Variants in TMEM131 observed in about 807,000 individuals in gnomAD.
TMEM131 encodes 2610524E03Rik.
TMEM131 carries 66 observed loss-of-function variants against 211.6 expected under a neutral mutation model. That is an observed-to-expected ratio of 0.31 (90% confidence interval 0.26 to 0.38). The LOEUF (loss-of-function observed/expected upper bound fraction) is 0.38. Ranked by LOEUF, TMEM131 falls within the 10% of genes least tolerant of loss-of-function variation. The pLI, the probability that TMEM131 is intolerant of heterozygous loss-of-function variation, is 1.00. For synonymous variants in TMEM131, 844 were observed against 841.3 expected, an observed-to-expected ratio of 1.00 and a Z score of -0.06; for missense variants, 2,036 against 2,299.3, an observed-to-expected ratio of 0.89 and a Z score of 2.34.
chr2:97,881,224 C>T (rs1265052888), intron 4 of TMEM131, among the ~76,000 whole-genome samples: 1 of 149,438 alleles, frequency 6.7e-6, no homozygotes, highest in Non-Finnish European at 1.5e-5. Context: ...AGAAGATGGG[C>T]GTTTCTTTCT....
intron 2 of TMEM131, among the ~76,000 whole-genome samples, chr2:97,913,989 G>A (rs996731211): frequency 1.1e-4 from 17 of 152,120 alleles, no homozygotes; most frequent in Non-Finnish European, 2.4e-4. Context: ...TGGGTTGGGG[G>A]AAGGTAGAGG....
At chr2:97,832,281 T>C (rs1573431477) in intron 11 of TMEM131, among the ~76,000 whole-genome samples, 1 of 152,220 alleles carries the variant, frequency 6.6e-6, no homozygotes, top group African/African-American at 2.4e-5. Flanking sequence ...GCCAATTTCA[T>C]TTTCCTATAA....
In TMEM131 at chr2:97,911,531, C is replaced by T. The variant is rs1676291730; in HGVS notation, c.250-2833G>A. 1.9e-5 allele frequency: 11 copies of T among 570,360 alleles called. 1 individual carries two copies. Among genetic ancestry groups the T allele is most frequent in the Non-Finnish European group, 2.0e-5 (9 of 450,732 alleles). The allele number at this position is 570,360 out of a possible 1,614,324, so 35.3% of individuals were successfully genotyped here. Reference sequence around the variant, plus strand: ...AAGTCTACAGAAAAGGAACTCAGGACGTGTATCACTCATGTGCACTTTCTT... The same window carrying T: ...AAGTCTACAGAAAAGGAACTCAGGATGTGTATCACTCATGTGCACTTTCTT... On this transcript the variant is annotated intron_variant, in intron 2 of 40. Coordinates refer to ENST00000186436, the MANE Select transcript of TMEM131 (RefSeq NM_015348.2).
chr2:97,875,523 A>G (rs1674656742), intron 4 of TMEM131, among the ~76,000 whole-genome samples: 2 of 152,264 alleles, frequency 1.3e-5, no homozygotes, highest in South Asian at 4.1e-4. Context: ...ACAGTTTCTC[A>G]GATCACAGTG....
At chr2:97,899,650 C>T (rs1251976895) in intron 3 of TMEM131, among the ~76,000 whole-genome samples, 1 of 152,100 alleles carries the variant, frequency 6.6e-6, no homozygotes, top group Non-Finnish European at 1.5e-5. Context: ...GTGGCACAGA[C>T]CTTGAAGGAG....
intron 11 of TMEM131, among the ~76,000 whole-genome samples, chr2:97,821,239 G>C (rs992866218): frequency 1.3e-5 from 2 of 151,974 alleles, no homozygotes; most frequent in African/African-American, 4.8e-5. Flanking sequence ...TGTCTCTAAA[G>C]GACTGTAAAT....
intron 4 of TMEM131, among the ~76,000 whole-genome samples, chr2:97,860,193 A>G (rs1199534855): frequency 2.0e-5 from 3 of 152,110 alleles, no homozygotes; most frequent in Non-Finnish European, 4.4e-5. Context: ...CTACCTATAC[A>G]CACCCACTAG....
chr2:97,889,222 T>C (rs112915425), intron 3 of TMEM131, among the ~76,000 whole-genome samples: 1 of 152,172 alleles, frequency 6.6e-6, no homozygotes, highest in Non-Finnish European at 1.5e-5. Flanking sequence ...AGAATCCCTC[T>C]GCATATGTTG....
At chr2:97,965,705 G>A (rs1679027525) in intron 1 of TMEM131, among the ~76,000 whole-genome samples, 1 of 151,680 alleles carries the variant, frequency 6.6e-6, no homozygotes, top group African/African-American at 2.4e-5. Flanking sequence ...AATGAAATTA[G>A]GGAATGTGTA....
intron 27 of TMEM131, among the ~76,000 whole-genome samples, 156 bp downstream of exon 27, chr2:97,796,688 A>T (rs1465926565): frequency 1.3e-5 from 2 of 152,388 alleles, no homozygotes; most frequent in East Asian, 3.9e-4. Flanking sequence ...TCCAAATCAA[A>T]CAACTCTAAA....
chr2:97,994,599 GT>G (rs1342598982), intron 1 of TMEM131, among the ~76,000 whole-genome samples: 6 of 148,806 alleles, frequency 4.0e-5, no homozygotes, highest in African/African-American at 7.4e-5. Flanking sequence ...TGCGTGGTTT[GT>G]TTTTTTTTTA....
intron 5 of TMEM131, among the ~76,000 whole-genome samples, chr2:97,853,238 G>A (rs1673698169): frequency 6.6e-6 from 1 of 152,142 alleles, no homozygotes; most frequent in African/African-American, 2.4e-5. Context: ...TGATTCCTCT[G>A]ATGGATCTGG....
intron 1 of TMEM131, among the ~76,000 whole-genome samples, chr2:97,943,681 A>C (rs1367702341): frequency 2.0e-5 from 3 of 152,240 alleles, no homozygotes; most frequent in Non-Finnish European, 4.4e-5. Context: ...AAGAATAGCC[A>C]AAACAGTTTT....
chr2:97,867,373 TTATATA>T (rs1006811576), intron 4 of TMEM131, among the ~76,000 whole-genome samples: 2 of 151,970 alleles, frequency 1.3e-5, no homozygotes, highest in African/African-American at 4.8e-5. Context: ...CTGTTATTAG[TTATATA>T]TATATATGTT....
At chr2:97,818,523 T>C in intron 12 of TMEM131, 90 bp downstream of exon 12, 1 of 700,720 alleles carries the variant, frequency 1.4e-6, no homozygotes. Context: ...GTAAAACAGT[T>C]TGGATTTTTA....
At chr2:97,818,098 T>G (rs1312759303) in intron 12 of TMEM131, among the ~76,000 whole-genome samples, 1 of 152,232 alleles carries the variant, frequency 6.6e-6, no homozygotes, top group Non-Finnish European at 1.5e-5. Flanking sequence ...AGTATCAAAA[T>G]GTATACTATA....
chr2:97,882,322 G>A (rs945513672), intron 4 of TMEM131, among the ~76,000 whole-genome samples: 2 of 152,174 alleles, frequency 1.3e-5, no homozygotes, highest in African/African-American at 4.8e-5. Flanking sequence ...CTATTTTGTA[G>A]CATAATATAC....
rs370733780 is a variant in TMEM131, at chr2:97,983,864, T to C, written c.187+11612A>G. 1.2e-4 allele frequency among the ~76,000 whole-genome samples: 18 copies of C among 152,360 alleles called. 1 individual carries two copies. The highest frequency in any genetic ancestry group is 4.1e-4 in the African/African-American group (17 of 41,582). ...TAACAGGAGTTAACTGCTGTAATGA[T>C]TGTCTCAAACCATAACTGTGGCAGT... On this transcript the variant is annotated intron_variant, in intron 1 of 40. Transcript: ENST00000186436.
intron 1 of TMEM131, among the ~76,000 whole-genome samples, chr2:97,962,713 C>G (rs1289198245): frequency 3.3e-5 from 5 of 152,092 alleles, no homozygotes; most frequent in African/African-American, 1.2e-4. Flanking sequence ...AAATATTTGT[C>G]CACAAAAAAA....
Sources: gnomAD v4.1 joint callset for allele counts (sites outside exome capture counted in the v4.1 genomes callset) on GRCh38, gnomAD v4.1.1 for gene constraint, MANE v1.5 for transcripts, NCBI Gene and HGNC (gene_info 2026-07-23, HGNC 2026-07-21) for gene names.